PCDHA9: variants seen among roughly 807,000 people sequenced by gnomAD.
PCDHA9 encodes protocadherin alpha 9, also known as protocadherin alpha-9.
PCDHA9 carries 62 observed loss-of-function variants against 62.0 expected under a neutral mutation model. The ratio of observed to expected loss-of-function variants is 1.00; its 90% CI spans 0.81 to 1.23. PCDHA9 has a LOEUF of 1.23. PCDHA9 is among the 50% of genes most tolerant of loss of function. The pLI, the probability that PCDHA9 is intolerant of heterozygous loss-of-function variation, is 0.00. For synonymous variants in PCDHA9, 557 were observed against 567.6 expected (o/e 0.98, Z 0.27); for missense variants, 1,205 against 1,249.8 (o/e 0.96, Z 0.54).
chr5:140,988,827 G>A (rs1554250450), intron 3 of PCDHA9: 1 of 152,132 alleles, frequency 6.6e-6, no homozygotes, highest in African/African-American at 2.4e-5. Flanking sequence ...CCCAAACAGA[G>A]ATCACGTGTC....
At chr5:140,944,354 A>G (rs2093646021) in intron 1 of PCDHA9, among the ~76,000 whole-genome samples, 1 of 151,968 alleles carries the variant, frequency 6.6e-6, no homozygotes, top group South Asian at 2.1e-4. Flanking sequence ...CACCTGGCTA[A>G]TTTTTAATTT....
At chr5:140,969,501 A>G (rs2096338220) in intron 1 of PCDHA9, 20 of 1,431,968 alleles carry the variant, frequency 1.4e-5, no homozygotes, top group Non-Finnish European at 1.9e-5. Context: ...CTCTCTAGAA[A>G]AATAGCACTA....
rs949986485 is a variant in PCDHA9 at position 140,855,050 on chromosome 5, T to C, written c.2394+4161T>C. Among the ~76,000 whole-genome samples the C allele has an allele frequency of 5.5e-4, 83 of 150,048 alleles. 4 individuals are homozygous for C. The highest frequency in any genetic ancestry group is 1.9e-3 in the African/African-American group (78 of 41,034). On this transcript the variant is annotated intron_variant, in intron 1 of 3. Transcript: ENST00000532602. ...ATAAAGGATTTTTCTGTAATAGTAC[T>C]TTTCTGTTTTCTTAAATACAGAAAC... is the stretch of plus-strand genomic sequence containing the variant.
chr5:140,870,714 C>G (rs2052324296), intron 1 of PCDHA9: 3 of 1,613,110 alleles, frequency 1.9e-6, no homozygotes, highest in Non-Finnish European at 8.5e-7. Context: ...TGAGCGCGCG[C>G]GATGCGGGCG....
At chr5:140,904,642 C>G (rs1257685945) in intron 1 of PCDHA9, among the ~76,000 whole-genome samples, 2 of 152,132 alleles carry the variant, frequency 1.3e-5, no homozygotes, top group Non-Finnish European at 2.9e-5. Context: ...AATCTCCACA[C>G]TGTTTTCCAT....
intron 1 of PCDHA9, among the ~76,000 whole-genome samples, chr5:140,921,231 T>C (rs1171159325): frequency 3.3e-5 from 5 of 152,122 alleles, no homozygotes; most frequent in African/African-American, 4.8e-5. Context: ...TGCTAGATGA[T>C]ATTAAGCCAC....
chr5:140,876,743 T>G, intron 1 of PCDHA9: 5 of 1,614,200 alleles, frequency 3.1e-6, no homozygotes, highest in Non-Finnish European at 4.2e-6. Flanking sequence ...TATGAGCTGG[T>G]GGTGACTGCG....
chr5:140,997,668 TTGTGTGTG>T (rs35184029), intron 3 of PCDHA9, among the ~76,000 whole-genome samples: 1 of 148,244 alleles, frequency 6.7e-6, no homozygotes, highest in Non-Finnish European at 1.5e-5. Context: ...ATTATACAGC[TTGTGTGTG>T]TGTGTGTGTG....
At chr5:141,001,977 A>T (rs527826696) in intron 3 of PCDHA9, among the ~76,000 whole-genome samples, 1 of 152,246 alleles carries the variant, frequency 6.6e-6, no homozygotes, top group South Asian at 2.1e-4. Flanking sequence ...CTCTGCGCGG[A>T]AAGCCTGGAA....
Position 140,852,435 on chromosome 5 carries a change from G to A in PCDHA9, c.2394+1546G>A, listed in dbSNP as rs2150516888. ...TGGGATTATAGGCACATGCCACCGC[G>A]CCCAGCTAATTTTTGTATTTTTAGT... On this transcript the variant is annotated intron_variant, in intron 1 of 3. Coordinates refer to ENST00000532602, the MANE Select transcript of PCDHA9 (RefSeq NM_031857.2). 3.0e-4 allele frequency: 55 copies of A among 181,308 alleles called. 4 individuals carry two copies. Among genetic ancestry groups the A allele is most frequent in the African/African-American group, 1.1e-3 (44 of 41,148 alleles). 11.2% of individuals were successfully genotyped at this position (181,308 alleles called of 1,614,324 possible).
At chr5:140,856,942 G>A (rs781940181) in intron 1 of PCDHA9, 5 of 1,593,170 alleles carry the variant, frequency 3.1e-6, no homozygotes, top group Admixed American at 3.4e-5. Context: ...ACGAAAGGAC[G>A]GGAGAAATAA....
chr5:140,946,763 C>T (rs1453017337), intron 1 of PCDHA9, among the ~76,000 whole-genome samples: 1 of 151,160 alleles, frequency 6.6e-6, no homozygotes, highest in Non-Finnish European at 1.5e-5. Context: ...TGATCTCATT[C>T]ATGTGGAATG....
chr5:140,999,568 G>A (rs1554256885), intron 3 of PCDHA9, among the ~76,000 whole-genome samples: 1 of 152,084 alleles, frequency 6.6e-6, no homozygotes, highest in Non-Finnish European at 1.5e-5. Context: ...TTTGAGAAGA[G>A]ACTATAAAGG....
intron 1 of PCDHA9, chr5:140,875,641 G>A (rs782380583): frequency 6.2e-7 from 1 of 1,613,690 alleles, no homozygotes; most frequent in South Asian, 1.1e-5. Flanking sequence ...GCTGGAGCTG[G>A]CGGAGCTGGT....
chr5:140,950,959 T>C (rs969091651), intron 1 of PCDHA9, among the ~76,000 whole-genome samples: 5 of 152,120 alleles, frequency 3.3e-5, no homozygotes, highest in Non-Finnish European at 5.9e-5. Context: ...TCTATTGATC[T>C]ATTTTCAGAT....
chr5:140,875,176 A>G, intron 1 of PCDHA9: 1 of 397,444 alleles, frequency 2.5e-6, no homozygotes, highest in Non-Finnish European at 4.2e-6. Context: ...TCGAAACATT[A>G]GAATTAAGAG....
chr5:140,877,719 T>G (rs782112072), intron 1 of PCDHA9: 2 of 1,614,102 alleles, frequency 1.2e-6, no homozygotes, highest in South Asian at 1.1e-5. Context: ...GGAGTTGGTC[T>G]TACTCGCAGC....
rs1423136904 is a variant in PCDHA9 at position 140,966,615 on chromosome 5, G to A, written c.2395-12334G>A. 1.0e-5 allele frequency: 8 copies of A among 773,600 alleles called. No individual in the cohort carries two copies. In the Admixed American group the frequency reaches 1.2e-4, roughly 12 times the overall value. The allele number at this position is 773,600 out of a possible 1,614,324, so 47.9% of individuals were successfully genotyped here. A position where few individuals can be genotyped will look rare whatever the true frequency, so the allele number is the denominator to read the frequency against. On this transcript the variant is annotated intron_variant, in intron 1 of 3. Transcript: ENST00000532602. The stretch of plus-strand genomic sequence containing the variant: ...GCCAGGAGCCCTTGGGAGGGCCTAC[G>A]GAGGGAGCGGCCCCAGGCGCTTTCT...
chr5:140,859,712 A>G (rs1396254172), intron 1 of PCDHA9: 1 of 154,176 alleles, frequency 6.5e-6, no homozygotes, highest in African/African-American at 2.4e-5. Flanking sequence ...GGAACACCAA[A>G]AAAAAATTGT....
Sources: allele counts gnomAD v4.1 joint callset (sites outside exome capture counted in the v4.1 genomes callset), GRCh38; gene constraint gnomAD v4.1.1; transcripts MANE v1.5; gene names NCBI Gene and HGNC (gene_info 2026-07-23, HGNC 2026-07-21).